WDFY3: variants seen among roughly 807,000 people sequenced by gnomAD.
WDFY3 encodes WD repeat and FYVE domain-containing protein 3.
WDFY3 carries 66 observed loss-of-function variants against 409.6 expected under a neutral mutation model. That is an observed-to-expected ratio of 0.16 (90% CI 0.13 to 0.20). The LOEUF (loss-of-function observed/expected upper bound fraction) is 0.20. WDFY3 is among the 10% of genes least tolerant of loss of function. The probability of loss-of-function intolerance (pLI) is 1.00; values close to 1 mark genes in which losing one functional copy is unlikely to be tolerated. For synonymous variants in WDFY3, 1,521 were observed against 1,537.1 expected (o/e 0.99, Z 0.25); for missense variants, 3,031 against 4,298.1 (o/e 0.71, Z 8.24).
chr4:84,880,725 A>G (rs1293132329), intron 3 of WDFY3, among the ~76,000 whole-genome samples: 9 of 87,364 alleles, frequency 1.0e-4, no homozygotes, highest in African/African-American at 1.8e-4. Context: ...ATATATATAT[A>G]TGTTTTTTTG....
chr4:84,934,353 T>C (rs1362640298), intron 1 of WDFY3, among the ~76,000 whole-genome samples: 2 of 152,124 alleles, frequency 1.3e-5, no homozygotes, highest in Non-Finnish European at 1.5e-5. Context: ...GATCTTTTGC[T>C]CATTTTTTAA....
intron 3 of WDFY3, among the ~76,000 whole-genome samples, chr4:84,869,226 A>G (rs534321157): frequency 6.6e-6 from 1 of 152,172 alleles, no homozygotes; most frequent in Non-Finnish European, 1.5e-5. Flanking sequence ...AAATTCCAAA[A>G]TCTCACTCTG....
Position 84,787,598 on chromosome 4 carries a change from A to C in WDFY3, c.3785T>G (p.Val1262Gly). 1 of 1,614,166 alleles carries C rather than the reference A, an allele frequency of 6.2e-7. No individual in the cohort carries two copies. The highest frequency in any genetic ancestry group is 1.1e-5 in the South Asian group (1 of 91,084). ...PPAQRQIASL[V>G]WRLGPTHFLE... ...AAAATGTGTGGGTCCCAGGCGCCAA[A>C]CCAATGAGGCAATTTGGCGTTGGGC... The change falls in exon 23 of 68, where the codon GTT (valine) becomes GGT (glycine). Residue 1262 changes from valine to glycine, a missense_variant. Val to Gly is a moderately radical substitution (Grantham distance 109). Around this residue, in one of 16 missense-constraint regions of WDFY3, gnomAD observed 1,322 missense variants for 1,697.9 expected, o/e 0.78. Coordinates refer to ENST00000295888, the MANE Select transcript of WDFY3 (RefSeq NM_014991.6).
intron 5 of WDFY3, among the ~76,000 whole-genome samples, chr4:84,843,687 G>A (rs1757693778): frequency 6.6e-6 from 1 of 152,164 alleles, no homozygotes; most frequent in African/African-American, 2.4e-5. Flanking sequence ...GTACCTGGGT[G>A]TGAGCTACTG....
intron 2 of WDFY3, among the ~76,000 whole-genome samples, chr4:84,920,448 G>A (rs575071094): frequency 6.6e-6 from 1 of 152,244 alleles, no homozygotes; most frequent in East Asian, 1.9e-4. Context: ...ATAAATGTAT[G>A]CATGCATGTA....
chr4:84,955,759 T>A (rs977049389), intron 1 of WDFY3, among the ~76,000 whole-genome samples: 13 of 152,180 alleles, frequency 8.5e-5, no homozygotes, highest in Non-Finnish European at 1.6e-4. Context: ...ACAGGTATAT[T>A]AAATTGTTTT....
Position 84,948,805 on chromosome 4 carries a change from T to G in WDFY3, c.-225-16442A>C, listed in dbSNP as rs115894830. 8.1e-3 allele frequency among the ~76,000 whole-genome samples: 1,237 copies of G among 152,286 alleles called. 14 individuals are homozygous for G. Among genetic ancestry groups the G allele is most frequent in the African/African-American group, 0.028 (1,161 of 41,558 alleles). ...TTTCTCTTCCTAGGACTGAGCAGTCTACTTTAAATTCCCAATCCCAAGGAC... is the reference window on the plus strand; with the variant it reads ...TTTCTCTTCCTAGGACTGAGCAGTCGACTTTAAATTCCCAATCCCAAGGAC... On this transcript the variant is annotated intron_variant, in intron 1 of 67. Coordinates refer to ENST00000295888, the MANE Select transcript of WDFY3 (RefSeq NM_014991.6).
chr4:84,738,434 T>C (rs1461175010), intron 40 of WDFY3, among the ~76,000 whole-genome samples: 1 of 151,744 alleles, frequency 6.6e-6, no homozygotes, highest in Non-Finnish European at 1.5e-5. Context: ...CTGTCTCTAC[T>C]AAAAATACAA....
intron 1 of WDFY3, among the ~76,000 whole-genome samples, chr4:84,946,174 C>T (rs1342084172): frequency 6.6e-6 from 1 of 152,138 alleles, no homozygotes; most frequent in Non-Finnish European, 1.5e-5. Flanking sequence ...GAAACAGAAC[C>T]CTGATAAGCC....
At chr4:84,777,407 T>G (rs143492166) in intron 27 of WDFY3, among the ~76,000 whole-genome samples, 6 of 151,556 alleles carry the variant, frequency 4.0e-5, no homozygotes, top group African/African-American at 1.5e-4. Flanking sequence ...AAGAAAATAA[T>G]AGAAAAAAAT....
Position 84,829,119 on chromosome 4 carries a change from C to T in WDFY3, c.841G>A (p.Glu281Lys), listed in dbSNP as rs767465603. ...AAACAAGAAAGCCCAGCAAACATTTCGACAATTTCTAGGGGAGACAGGTCA... is the reference window on the plus strand; with the variant it reads ...AAACAAGAAAGCCCAGCAAACATTTTGACAATTTCTAGGGGAGACAGGTCA... Reference protein sequence around the residue: ...SDDLSPLEIVEMFAGLSCFLK... With the variant: ...SDDLSPLEIVKMFAGLSCFLK... The change falls in exon 9 of 68, where the codon GAA becomes AAA. Residue 281 changes from glutamate to lysine, a missense_variant. Around this residue, in one of 16 missense-constraint regions of WDFY3, gnomAD observed 1,322 missense variants for 1,697.9 expected, o/e 0.78. Transcript: ENST00000295888. The T allele has an allele frequency of 5.0e-6, 8 of 1,613,684 alleles. No homozygotes were observed. The highest frequency in any genetic ancestry group is 1.7e-4 in the Middle Eastern group (1 of 6,060).
chr4:84,886,673 G>A (rs1764278336), intron 3 of WDFY3, among the ~76,000 whole-genome samples: 1 of 152,102 alleles, frequency 6.6e-6, no homozygotes, highest in Non-Finnish European at 1.5e-5. Flanking sequence ...AAGGGAGGAA[G>A]GGAAGGAGGG....
At chr4:84,918,851 A>G (rs562054091) in intron 2 of WDFY3, among the ~76,000 whole-genome samples, 2 of 147,452 alleles carry the variant, frequency 1.4e-5, no homozygotes, top group South Asian at 4.2e-4. Flanking sequence ...ACACACACAC[A>G]TATATATATA....
At chr4:84,814,621 C>A (rs1454228360) in intron 13 of WDFY3, among the ~76,000 whole-genome samples, 1 of 152,078 alleles carries the variant, frequency 6.6e-6, no homozygotes, top group Non-Finnish European at 1.5e-5. Flanking sequence ...TGAGCAGAGT[C>A]TCGGTTATCA....
At chr4:84,946,731 T>C (rs577220656) in intron 1 of WDFY3, among the ~76,000 whole-genome samples, 1 of 152,250 alleles carries the variant, frequency 6.6e-6, no homozygotes, top group African/African-American at 2.4e-5. Flanking sequence ...TAGCGCGCTA[T>C]ACATCATAAG....
In WDFY3 at chr4:84,842,713, G is replaced by A. The variant is rs184127339; in HGVS notation, c.305-1450C>T. Among the ~76,000 whole-genome samples the A allele has an allele frequency of 2.6e-5, 4 of 152,156 alleles. No individual in the cohort carries two copies. The East Asian group carries it at 5.8e-4, about 22-fold the overall frequency. On this transcript the variant is annotated intron_variant, in intron 5 of 67. Coordinates refer to ENST00000295888, the MANE Select transcript of WDFY3 (RefSeq NM_014991.6). ...AGGAGAATTACTTGAACCCAGAGGC[G>A]GAGGGTGCAGTGAGCGGAGATCACA...
chr4:84,909,483 T>C (rs1378456388), intron 2 of WDFY3, among the ~76,000 whole-genome samples: 3 of 152,084 alleles, frequency 2.0e-5, no homozygotes, highest in Non-Finnish European at 4.4e-5. Flanking sequence ...TGACATCTAA[T>C]GTTCTCCTAA....
intron 45 of WDFY3, 49 bp downstream of exon 45, chr4:84,726,812 A>C: frequency 6.4e-7 from 1 of 1,563,184 alleles, no homozygotes; most frequent in South Asian, 1.2e-5. Flanking sequence ...GAAAACAAAA[A>C]ACAAAACTAC....
At chr4:84,735,232 CAAAACA>C in intron 42 of WDFY3, 112 bp from the exon 43 acceptor site, 1 of 990,916 alleles carries the variant, frequency 1.0e-6, no homozygotes, top group Non-Finnish European at 1.5e-6. Flanking sequence ...CCAAAAGCAC[CAAAACA>C]GAAAACTAAA....
Sources: gnomAD v4.1 joint callset for allele counts (sites outside exome capture counted in the v4.1 genomes callset) on GRCh38, gnomAD v4.1.1 for gene constraint, gnomAD v4.1.1 regional missense constraint, MANE v1.5 for transcripts, NCBI Gene and HGNC (gene_info 2026-07-23, HGNC 2026-07-21) for gene names.